Variants in BCL11B observed in about 807,000 individuals in gnomAD.
BCL11B encodes the protein BCL11 transcription factor B.
Under a neutral mutation model 49.9 loss-of-function variants are expected in BCL11B, and 8 were observed. The observed-to-expected ratio is 0.16, with a 90% CI of 0.09 to 0.29. The LOEUF is 0.29. Ranked by LOEUF, BCL11B falls within the 10% of genes least tolerant of loss-of-function variation. The pLI, the probability that BCL11B is intolerant of heterozygous loss-of-function variation, is 1.00. For missense variants in BCL11B, 1,006 were observed against 1,351.0 expected, an observed-to-expected ratio of 0.74 and a Z score of 4.00; for synonymous variants, 739 against 637.4, an observed-to-expected ratio of 1.16 and a Z score of -2.40.
intron 3 of BCL11B, among the ~76,000 whole-genome samples, chr14:99,216,607 G>GA (rs1887842082): frequency 6.6e-6 from 1 of 152,170 alleles, no homozygotes; most frequent in South Asian, 2.1e-4. Context: ...CAGCTCTAGA[G>GA]AGAGACTCGC....
intron 3 of BCL11B, among the ~76,000 whole-genome samples, chr14:99,221,280 C>T (rs1244709526): frequency 6.6e-6 from 1 of 152,242 alleles, no homozygotes; most frequent in South Asian, 2.1e-4. Flanking sequence ...CAGACTCACG[C>T]ACCCAGTGGG....
At chr14:99,261,351 G>A (rs1408673345) in intron 1 of BCL11B, among the ~76,000 whole-genome samples, 2 of 152,062 alleles carry the variant, frequency 1.3e-5, no homozygotes, top group Non-Finnish European at 2.9e-5. Flanking sequence ...GAACTGTATC[G>A]ATAATGGAAG....
intron 3 of BCL11B, among the ~76,000 whole-genome samples, chr14:99,230,212 T>A (rs1306189628): frequency 6.6e-6 from 1 of 152,200 alleles, no homozygotes; most frequent in Non-Finnish European, 1.5e-5. Flanking sequence ...GCTGTGGCCA[T>A]GGCTTTTGCA....
rs1226273604 is a variant in BCL11B at position 99,170,763 on chromosome 14, G to A, written c.*3388C>T. The A allele has an allele frequency of 8.6e-6, 2 of 233,250 alleles. No homozygotes were observed. Among genetic ancestry groups the A allele is most frequent in the Non-Finnish European group, 1.7e-5 (2 of 117,834 alleles). The allele number at this position is 233,250 out of a possible 1,614,324, so 14.4% of individuals were successfully genotyped here. A position where few individuals can be genotyped will look rare whatever the true frequency, so the allele number is the denominator to read the frequency against. ...AAGAGGCCAACACTCTCCATGGCAC[G>A]AAAGGTCCTGGCTGTGATGGAGTCT... On this transcript the variant is annotated 3_prime_UTR_variant, in exon 4 of 4. Transcript: ENST00000357195.
chr14:99,223,533 C>T (rs1166312770), intron 3 of BCL11B, among the ~76,000 whole-genome samples: 1 of 152,192 alleles, frequency 6.6e-6, no homozygotes, highest in East Asian at 1.9e-4. Flanking sequence ...CTTCAATTCA[C>T]ACAATTCTGT....
Position 99,262,344 on chromosome 14 carries a change from G to A in BCL11B, c.59-4505C>T, listed in dbSNP as rs1199633243. Among the ~76,000 whole-genome samples, 1 of 152,218 alleles carries A rather than the reference G, an allele frequency of 6.6e-6. No homozygotes were observed. The highest frequency in any genetic ancestry group is 6.5e-5 in the Admixed American group (1 of 15,284). On this transcript the variant is annotated intron_variant, in intron 1 of 3. Coordinates refer to ENST00000357195, the MANE Select transcript of BCL11B (RefSeq NM_138576.4). The surrounding 1 kb of genome is among the most constrained non-coding windows in gnomAD (Gnocchi z 4.2). ...TGCGTGGCTGCCTGCACACACACAT[G>A]TGCATTGCTACATACACAGTACGTG...
chr14:99,191,567 T>C (rs1887031654), intron 3 of BCL11B, among the ~76,000 whole-genome samples: 1 of 152,114 alleles, frequency 6.6e-6, no homozygotes, highest in Non-Finnish European at 1.5e-5. Flanking sequence ...ATTTCATCAT[T>C]GTAGAAATCA....
intron 2 of BCL11B, among the ~76,000 whole-genome samples, chr14:99,237,750 C>CT (rs1349690973): frequency 6.6e-6 from 1 of 152,138 alleles, no homozygotes; most frequent in Non-Finnish European, 1.5e-5. Flanking sequence ...ACACGGGAGA[C>CT]ATAAAAACAG....
intron 3 of BCL11B, among the ~76,000 whole-genome samples, chr14:99,215,182 T>G: frequency 6.8e-6 from 1 of 148,108 alleles, no homozygotes; most frequent in East Asian, 2.0e-4. Context: ...CCAAGGGAGA[T>G]GCACTAATTT....
At chr14:99,249,128 G>A (rs1299065325) in intron 2 of BCL11B, among the ~76,000 whole-genome samples, 6 of 152,000 alleles carry the variant, frequency 3.9e-5, no homozygotes, top group South Asian at 2.1e-4. Flanking sequence ...ACCAAGATTC[G>A]ACCTCAGAGT....
rs1341002957 is a variant in BCL11B at position 99,169,530 on chromosome 14, T to C, written c.*4621A>G. The stretch of plus-strand genomic sequence containing the variant: ...ATCCATAATAAAAAAAAGTGCCTGT[T>C]TCTTAAACAGAGCACAAATACCAAG... On this transcript the variant is annotated 3_prime_UTR_variant, in exon 4 of 4. Coordinates refer to ENST00000357195, the MANE Select transcript of BCL11B (RefSeq NM_138576.4). 1 of 204,118 alleles carries C rather than the reference T, an allele frequency of 4.9e-6. No individual in the cohort carries two copies. The highest frequency in any genetic ancestry group is 1.0e-5 in the Non-Finnish European group (1 of 99,510). The allele number at this position is 204,118 out of a possible 1,614,324, so 12.6% of individuals were successfully genotyped here.
intron 3 of BCL11B, among the ~76,000 whole-genome samples, chr14:99,229,575 T>C (rs1888269119): frequency 6.6e-6 from 1 of 152,172 alleles, no homozygotes; most frequent in South Asian, 2.1e-4. Flanking sequence ...GTCAGCACCA[T>C]ACAAAGATGC....
intron 3 of BCL11B, among the ~76,000 whole-genome samples, chr14:99,176,980 T>G (rs1482863363): frequency 6.6e-6 from 1 of 152,140 alleles, no homozygotes; most frequent in East Asian, 1.9e-4. Flanking sequence ...TTTTTAGCTA[T>G]AGGAAATTCT....
intron 1 of BCL11B, among the ~76,000 whole-genome samples, chr14:99,266,511 A>T (rs1056218995): frequency 1.9e-4 from 29 of 152,262 alleles, no homozygotes; most frequent in Admixed American, 1.8e-3. Flanking sequence ...AAATGCCCCC[A>T]TCTGCCAAGT....
chr14:99,203,436 A>C (rs973436187), intron 3 of BCL11B, among the ~76,000 whole-genome samples: 6 of 152,128 alleles, frequency 3.9e-5, no homozygotes, highest in African/African-American at 1.4e-4. Flanking sequence ...CCAGAACTTT[A>C]ATTTCTTAAA....
chr14:99,271,889 T>G lies in BCL11B; in HGVS notation c.-671A>C, dbSNP rs924575663. Reference sequence around the variant, plus strand: ...CCGGTTCGGTTGTTTCTGGGTTTTCTGCGGGCTGCCTGTTTTTGTTTTTGT... The same window carrying G: ...CCGGTTCGGTTGTTTCTGGGTTTTCGGCGGGCTGCCTGTTTTTGTTTTTGT... On this transcript the variant is annotated 5_prime_UTR_variant, in exon 1 of 4. Coordinates refer to ENST00000357195, the MANE Select transcript of BCL11B (RefSeq NM_138576.4). 3.3e-5 allele frequency among the ~76,000 whole-genome samples: 5 copies of G among 152,154 alleles called. No individual in the cohort carries two copies. Among genetic ancestry groups the G allele is most frequent in the Admixed American group, 2.6e-4 (4 of 15,290 alleles).
In BCL11B at chr14:99,247,287, T is replaced by C. The variant is rs1888872796; in HGVS notation, c.427+10184A>G. Among the ~76,000 whole-genome samples, 1 of 152,182 alleles carries C rather than the reference T, an allele frequency of 6.6e-6. No homozygotes were observed. Among genetic ancestry groups the C allele is most frequent in the Admixed American group, 6.5e-5 (1 of 15,276 alleles). ...ATGATGCAGAGAGAAGACCACACTG[T>C]TTAGCTTTCTTAATTGGCTGGCTTT... On this transcript the variant is annotated intron_variant, in intron 2 of 3. Transcript: ENST00000357195. The surrounding 1 kb of genome is among the most constrained non-coding windows in gnomAD (Gnocchi z 4.5).
chr14:99,175,712 G>A lies in BCL11B; in HGVS notation c.1124C>T (p.Ser375Phe). 2 of 1,497,862 alleles carry A rather than the reference G, an allele frequency of 1.3e-6. No individual in the cohort carries two copies. The highest frequency in any genetic ancestry group is 1.8e-6 in the Non-Finnish European group (2 of 1,139,686). The allele number at this position is 1,497,862 out of a possible 1,614,324, so 92.8% of individuals were successfully genotyped here. ...RRLRELAGNS[S>F]TPPPVSPGRG... is the part of the protein sequence containing the mutation. ...GCCCGGGGACACGGGCGGCGGCGTG[G>A]AGCTGTTGCCCGCCAGCTCGCGGAG... The change falls in exon 4 of 4, where the codon TCC becomes TTC. Residue 375 changes from serine to phenylalanine, a missense_variant. Ser to Phe is a radical substitution (Grantham distance 155). Coordinates refer to ENST00000357195, the MANE Select transcript of BCL11B (RefSeq NM_138576.4).
At position 99,271,515 on chromosome 14, in the gene BCL11B, C is replaced by CAAAA. The variant is rs142600683; in HGVS notation, c.-301_-298dup. On this transcript the variant is annotated 5_prime_UTR_variant, in exon 1 of 4. Coordinates refer to ENST00000357195, the MANE Select transcript of BCL11B (RefSeq NM_138576.4). ...CTCGATCTAAAATAAGAAAAAGAGG[C>CAAAA]AAAAAAAAAAAAAACTGCTGTTGCT... 5.5e-4 allele frequency: 96 copies of CAAAA among 173,878 alleles called. No homozygotes were observed. The highest frequency in any genetic ancestry group is 1.9e-3 in the Middle Eastern group (1 of 532). The allele number at this position is 173,878 out of a possible 1,614,324, so 10.8% of individuals were successfully genotyped here. A position where few individuals can be genotyped will look rare whatever the true frequency, so the allele number is the denominator to read the frequency against.
Sources: allele counts gnomAD v4.1 joint callset (sites outside exome capture counted in the v4.1 genomes callset), GRCh38; gene constraint gnomAD v4.1.1; non-coding constraint Gnocchi (gnomAD v3.1); transcripts MANE v1.5; gene names NCBI Gene and HGNC (gene_info 2026-07-23, HGNC 2026-07-21).